CRISPLD2: variants seen among roughly 807,000 people sequenced by gnomAD.
CRISPLD2 encodes cysteine-rich secretory protein LCCL domain-containing 2.
In CRISPLD2, 47 loss-of-function variants were observed where a neutral mutation model predicts 71.1. The ratio of observed to expected loss-of-function variants is 0.66; its 90% CI spans 0.52 to 0.84. CRISPLD2 has a LOEUF of 0.84. Among genes scored for constraint, CRISPLD2 ranks in the 40% least tolerant of loss-of-function variants. CRISPLD2 has a pLI of 0.00. For missense variants in CRISPLD2, 830 were observed against 651.1 expected, an observed-to-expected ratio of 1.27 and a Z score of -2.99; for synonymous variants, 317 against 250.1, an observed-to-expected ratio of 1.27 and a Z score of -2.52.
intron 14 of CRISPLD2, among the ~76,000 whole-genome samples, chr16:84,897,713 T>C (rs1597486059): frequency 6.6e-6 from 1 of 151,902 alleles, no homozygotes; most frequent in African/African-American, 2.4e-5. Context: ...GCCCCGCAGG[T>C]TCAAGTGATT....
In CRISPLD2 at chr16:84,873,090, G is replaced by A. The variant is rs143175101; in HGVS notation, c.1080G>A (p.Val360=). The A allele has an allele frequency of 6.8e-5, 110 of 1,613,954 alleles. No individual in the cohort carries two copies. Among genetic ancestry groups the A allele is most frequent in the Non-Finnish European group, 8.8e-5 (104 of 1,179,996 alleles). ...ITRNGKVPFF[V]KSERHGVQSL... Reference sequence around the variant, plus strand: ...GGAACGGGAAGGTCCCCTTCTTCGTGAAGTCTGAGAGACACGGCGTGCAGT... The same window carrying A: ...GGAACGGGAAGGTCCCCTTCTTCGTAAAGTCTGAGAGACACGGCGTGCAGT... The change falls in exon 10 of 15, where the codon GTG becomes GTA. Residue 360 remains valine (V), a synonymous_variant. Coordinates refer to ENST00000262424, the MANE Select transcript of CRISPLD2 (RefSeq NM_031476.4).
At chr16:84,835,488 C>A (rs1349653594) in intron 1 of CRISPLD2, among the ~76,000 whole-genome samples, 1 of 152,142 alleles carries the variant, frequency 6.6e-6, no homozygotes, top group Non-Finnish European at 1.5e-5. Context: ...AAGCAGGGAC[C>A]CTCCGACCCA....
intron 1 of CRISPLD2, among the ~76,000 whole-genome samples, chr16:84,832,772 T>C (rs1489370886): frequency 6.6e-6 from 1 of 152,248 alleles, no homozygotes; most frequent in Non-Finnish European, 1.5e-5. Context: ...TTCATCTTTC[T>C]GGCAGATTCT....
chr16:84,825,450 A>G (rs1032600889), intron 1 of CRISPLD2, among the ~76,000 whole-genome samples: 3 of 152,112 alleles, frequency 2.0e-5, no homozygotes, highest in Admixed American at 6.6e-5. Context: ...TGTCCTCTCC[A>G]TGTTTCTAAA....
At chr16:84,893,062 C>T (rs1165568326) in intron 14 of CRISPLD2, among the ~76,000 whole-genome samples, 1 of 151,730 alleles carries the variant, frequency 6.6e-6, no homozygotes, top group Non-Finnish European at 1.5e-5. Context: ...GATGATTGAG[C>T]CCTAGAACTC....
intron 1 of CRISPLD2, among the ~76,000 whole-genome samples, chr16:84,828,604 G>A (rs754993557): frequency 1.3e-4 from 20 of 152,070 alleles, no homozygotes; most frequent in Non-Finnish European, 2.1e-4. Flanking sequence ...ACAACCACAC[G>A]TCTTCAAGAA....
chr16:84,859,843 T>C (rs1399756371), intron 6 of CRISPLD2, among the ~76,000 whole-genome samples: 1 of 152,242 alleles, frequency 6.6e-6, no homozygotes, highest in Non-Finnish European at 1.5e-5. Flanking sequence ...GTGCTGCCAC[T>C]TGGCCCCTGC....
chr16:84,879,975 T>G (rs1462504787), intron 12 of CRISPLD2, among the ~76,000 whole-genome samples: 2 of 152,192 alleles, frequency 1.3e-5, no homozygotes, highest in Non-Finnish European at 2.9e-5. Flanking sequence ...GGTGCTTTCC[T>G]CATGCCCTGG....
intron 4 of CRISPLD2, among the ~76,000 whole-genome samples, 191 bp from the exon 5 acceptor site, chr16:84,850,377 C>A (rs1917051618): frequency 2.0e-5 from 3 of 152,210 alleles, no homozygotes; most frequent in African/African-American, 7.2e-5. Flanking sequence ...GCGTGAGCCA[C>A]CGCACCGGCC....
At chr16:84,888,528 G>A (rs1266850621) in intron 13 of CRISPLD2, among the ~76,000 whole-genome samples, 4 of 152,180 alleles carry the variant, frequency 2.6e-5, no homozygotes, top group Admixed American at 1.3e-4. Flanking sequence ...CTGCCTCTGC[G>A]AGGTACCCAG....
intron 14 of CRISPLD2, among the ~76,000 whole-genome samples, chr16:84,900,655 C>T (rs780169767): frequency 4.6e-5 from 7 of 152,236 alleles, no homozygotes; most frequent in East Asian, 1.9e-4. Flanking sequence ...TGCAAATGCA[C>T]GTCCTTTGGT....
chr16:84,830,034 A>T (rs1055639634), intron 1 of CRISPLD2, among the ~76,000 whole-genome samples: 1 of 152,226 alleles, frequency 6.6e-6, no homozygotes, highest in Admixed American at 6.5e-5. Flanking sequence ...TGATAGTTAC[A>T]TTTTCAGGGC....
intron 2 of CRISPLD2, among the ~76,000 whole-genome samples, chr16:84,841,359 G>A (rs1439709321): frequency 2.0e-5 from 3 of 151,996 alleles, no homozygotes; most frequent in Admixed American, 6.6e-5. Flanking sequence ...GAAAAGCTTC[G>A]GGTCTCAGAG....
intron 1 of CRISPLD2, chr16:84,828,283 A>T (rs1396332379): frequency 6.6e-6 from 1 of 152,156 alleles, no homozygotes; most frequent in East Asian, 1.9e-4. Flanking sequence ...ATCATTAAAC[A>T]CCATTAAGTT....
chr16:84,850,285 T>G (rs1917048810), intron 4 of CRISPLD2, among the ~76,000 whole-genome samples: 1 of 151,976 alleles, frequency 6.6e-6, no homozygotes, highest in Admixed American at 6.6e-5. Context: ...GAGATGGGGT[T>G]TCACCATGTT....
At chr16:84,851,736 T>C (rs907523170) in intron 5 of CRISPLD2, among the ~76,000 whole-genome samples, 8 of 152,192 alleles carry the variant, frequency 5.3e-5, no homozygotes, top group Admixed American at 1.3e-4. Context: ...CCTGGCCCAG[T>C]GGCAGGTGGT....
In CRISPLD2 at chr16:84,872,475, G is replaced by T. The variant is rs2071479554; in HGVS notation, c.948G>T (p.Lys316Asn). ...GCCCAGCAGGCTGCCTGAACCACAA[G>T]GCGAAGATCTTTGGAACTCTGTTCT... The part of the protein sequence containing the change: ...YQCPAGCLNH[K>N]AKIFGTLFYE... The change falls in exon 9 of 15, where the codon AAG (lysine) becomes AAT (asparagine). Residue 316 changes from lysine to asparagine, a missense_variant. Coordinates refer to ENST00000262424, the MANE Select transcript of CRISPLD2 (RefSeq NM_031476.4). 1 of 1,614,046 alleles carries T rather than the reference G, an allele frequency of 6.2e-7. No homozygotes were observed. The highest frequency in any genetic ancestry group is 8.5e-7 in the Non-Finnish European group (1 of 1,179,968).
At chr16:84,864,765 G>T (rs571268342) in intron 6 of CRISPLD2, among the ~76,000 whole-genome samples, 1 of 152,226 alleles carries the variant, frequency 6.6e-6, no homozygotes, top group Non-Finnish European at 1.5e-5. Context: ...GGCCTCTGGA[G>T]GTTCGCAGCT....
At chr16:84,901,414 A>G (rs1030886506) in intron 14 of CRISPLD2, among the ~76,000 whole-genome samples, 3 of 150,950 alleles carry the variant, frequency 2.0e-5, no homozygotes, top group Admixed American at 2.0e-4. Context: ...ATGTGCGGCT[A>G]TGATTAGTCT....
Sources: allele counts gnomAD v4.1 joint callset (sites outside exome capture counted in the v4.1 genomes callset), GRCh38; gene constraint gnomAD v4.1.1; transcripts MANE v1.5; gene names NCBI Gene and HGNC (gene_info 2026-07-23, HGNC 2026-07-21).